Variants in FAF1 observed in about 807,000 individuals in gnomAD.
FAF1 encodes the protein FAS-associated factor 1.
FAF1 carries 25 observed loss-of-function variants against 92.5 expected under a neutral mutation model. The observed-to-expected ratio is 0.27, with a 90% CI of 0.20 to 0.38. The LOEUF is 0.38. FAF1 is among the 10% of genes least tolerant of loss of function. The pLI is 1.00. For missense variants in FAF1, 636 were observed against 793.3 expected, an observed-to-expected ratio of 0.80 and a Z score of 2.38; for synonymous variants, 234 against 273.2, an observed-to-expected ratio of 0.86 and a Z score of 1.42.
intron 13 of FAF1, among the ~76,000 whole-genome samples, chr1:50,541,349 GCCA>G (rs1648748164): frequency 6.6e-6 from 1 of 152,088 alleles, no homozygotes; most frequent in Admixed American, 6.6e-5. Context: ...TCATATCAGT[GCCA>G]CCATCAAAAT....
chr1:50,475,643 C>T lies in FAF1; in HGVS notation c.1690G>A (p.Glu564Lys). Residue 564 changes from glutamate to lysine, a missense_variant, in exon 18 of 19, where the codon GAG (glutamate) becomes AAG (lysine). By Grantham distance (56) the Glu-to-Lys change is moderately conservative (BLOSUM62 1). Transcript: ENST00000396153. Reference sequence around the variant, plus strand: ...GGCTCAGCATTTTCTTCCTTTGGCTCAGGAGGCAGGGCTTGCTCTAAGGAC... The same window carrying T: ...GGCTCAGCATTTTCTTCCTTTGGCTTAGGAGGCAGGGCTTGCTCTAAGGAC... Reference protein sequence around the residue: ...RLSLEQALPPEPKEENAEPVS... With the variant: ...RLSLEQALPPKPKEENAEPVS... 6.2e-7 allele frequency: 1 copy of T among 1,613,934 alleles called. No homozygotes were observed. Among genetic ancestry groups the T allele is most frequent in the Non-Finnish European group, 8.5e-7 (1 of 1,179,934 alleles).
chr1:50,527,133 G>A (rs1007286092), intron 15 of FAF1, among the ~76,000 whole-genome samples: 10 of 152,156 alleles, frequency 6.6e-5, no homozygotes, highest in Non-Finnish European at 1.2e-4. Context: ...TGGGATTACA[G>A]GAGTGAGCCA....
intron 7 of FAF1, among the ~76,000 whole-genome samples, chr1:50,687,826 C>T (rs566420091): frequency 1.3e-4 from 19 of 151,892 alleles, no homozygotes; most frequent in Admixed American, 1.1e-3. Context: ...TACCACTTTA[C>T]CTCCATTAGA....
At chr1:50,692,934 G>C (rs542099806) in intron 7 of FAF1, among the ~76,000 whole-genome samples, 1 of 152,100 alleles carries the variant, frequency 6.6e-6, no homozygotes. Flanking sequence ...TTATTATTGA[G>C]TTGTAAGAGT....
intron 2 of FAF1, among the ~76,000 whole-genome samples, chr1:50,813,865 GA>G (rs1171041366): frequency 6.6e-6 from 1 of 151,328 alleles, no homozygotes; most frequent in East Asian, 1.9e-4. Flanking sequence ...TGAAGAAAAT[GA>G]AAACATATGC....
intron 1 of FAF1, among the ~76,000 whole-genome samples, chr1:50,907,737 A>AT (rs1189817894): frequency 6.6e-6 from 1 of 151,864 alleles, no homozygotes; most frequent in Non-Finnish European, 1.5e-5. Flanking sequence ...CCCCTTTATC[A>AT]TTTTTTATTG....
chr1:50,677,840 A>G (rs1233698556), intron 7 of FAF1, among the ~76,000 whole-genome samples: 2 of 146,588 alleles, frequency 1.4e-5, no homozygotes, highest in East Asian at 2.1e-4. Context: ...GGTTGTGGTG[A>G]GCCGAGATTA....
intron 2 of FAF1, among the ~76,000 whole-genome samples, chr1:50,803,741 A>G (rs992234028): frequency 6.6e-6 from 1 of 152,154 alleles, no homozygotes; most frequent in Admixed American, 6.5e-5. Context: ...CAGTGATACA[A>G]ATCCACTTTT....
intron 17 of FAF1, among the ~76,000 whole-genome samples, chr1:50,475,889 A>C (rs1646634284): frequency 6.6e-6 from 1 of 152,206 alleles, no homozygotes; most frequent in Non-Finnish European, 1.5e-5. Context: ...ATTAAAATAA[A>C]TTCCACCTTG....
chr1:50,737,376 C>T (rs969930630), intron 6 of FAF1, among the ~76,000 whole-genome samples: 1 of 152,142 alleles, frequency 6.6e-6, no homozygotes, highest in African/African-American at 2.4e-5. Context: ...AGATTATAAA[C>T]AATGACATCT....
At chr1:50,907,952 A>C (rs185821024) in intron 1 of FAF1, among the ~76,000 whole-genome samples, 3,506 of 151,884 alleles carry the variant, frequency 0.023, 46 homozygotes, top group Non-Finnish European at 0.036. Flanking sequence ...TAGTTCTTTT[A>C]ATTGTGATGT....
intron 6 of FAF1, among the ~76,000 whole-genome samples, chr1:50,707,981 T>C (rs1657760124): frequency 6.6e-6 from 1 of 152,206 alleles, no homozygotes; most frequent in Non-Finnish European, 1.5e-5. Flanking sequence ...AGTTAATTTT[T>C]GTATTTTTAG....
chr1:50,875,513 C>T (rs1644563483), intron 1 of FAF1, among the ~76,000 whole-genome samples: 1 of 151,958 alleles, frequency 6.6e-6, no homozygotes, highest in South Asian at 2.1e-4. Flanking sequence ...AGTGCAGTGG[C>T]ACAGTCTCAG....
intron 7 of FAF1, among the ~76,000 whole-genome samples, chr1:50,701,830 T>C (rs1657486725): frequency 6.6e-6 from 1 of 152,082 alleles, no homozygotes; most frequent in Non-Finnish European, 1.5e-5. Context: ...GCAAGATATA[T>C]CTTTATAGGT....
intron 6 of FAF1, among the ~76,000 whole-genome samples, chr1:50,729,034 C>CTATCTATATA (rs774816134): frequency 2.2e-4 from 19 of 88,080 alleles, no homozygotes; most frequent in African/African-American, 4.4e-4. Context: ...ATCTATCTAT[C>CTATCTATATA]TATATATATA....
At chr1:50,576,346 T>C (rs185496852) in intron 12 of FAF1, among the ~76,000 whole-genome samples, 26 of 152,312 alleles carry the variant, frequency 1.7e-4, no homozygotes, top group Middle Eastern at 3.4e-3. Context: ...CCTTAATTTA[T>C]GTATAATATT....
At chr1:50,689,428 G>C (rs1656817714) in intron 7 of FAF1, among the ~76,000 whole-genome samples, 1 of 151,944 alleles carries the variant, frequency 6.6e-6, no homozygotes, top group South Asian at 2.1e-4. Flanking sequence ...ACTAAACATA[G>C]AAAAAATTGG....
chr1:50,893,573 G>A (rs1160970340), intron 1 of FAF1, among the ~76,000 whole-genome samples: 2 of 152,052 alleles, frequency 1.3e-5, no homozygotes. Flanking sequence ...GAGTTGCTTG[G>A]AGCTGGGGGT....
intron 17 of FAF1, among the ~76,000 whole-genome samples, chr1:50,489,980 A>G (rs1165013236): frequency 6.6e-6 from 1 of 152,236 alleles, no homozygotes; most frequent in Non-Finnish European, 1.5e-5. Context: ...TCCATACAAC[A>G]GATCAGGAAT....
Sources: allele counts gnomAD v4.1 joint callset (sites outside exome capture counted in the v4.1 genomes callset), GRCh38; gene constraint gnomAD v4.1.1; transcripts MANE v1.5; gene names NCBI Gene and HGNC (gene_info 2026-07-23, HGNC 2026-07-21).